The following SLC23A2 variants were observed in gnomAD, a reference collection of about 807,000 sequenced individuals.
SLC23A2 encodes the protein Na(+)/L-ascorbic acid transporter 2.
SLC23A2 carries 36 observed loss-of-function variants against 73.3 expected under a neutral mutation model. The ratio of observed to expected loss-of-function variants is 0.49; its 90% CI spans 0.38 to 0.65. The LOEUF (loss-of-function observed/expected upper bound fraction) is 0.65, where lower values mean the gene tolerates loss of function less well. Among genes scored for constraint, SLC23A2 ranks in the 30% least tolerant of loss-of-function variants. SLC23A2 has a pLI of 0.00. For synonymous variants in SLC23A2, 343 were observed against 327.3 expected (o/e 1.05, Z -0.52); for missense variants, 507 against 841.6 (o/e 0.60, Z 4.92).
At chr20:4,985,614 A>AT (rs1393733106) in intron 1 of SLC23A2, among the ~76,000 whole-genome samples, 1 of 152,022 alleles carries the variant, frequency 6.6e-6, no homozygotes, top group African/African-American at 2.4e-5. Flanking sequence ...TGCCCAGCTA[A>AT]TTTTTGTATT....
intron 1 of SLC23A2, among the ~76,000 whole-genome samples, chr20:4,995,757 A>G (rs2423079): frequency 0.57 from 86,737 of 151,922 alleles, 25,011 homozygotes; most frequent in Middle Eastern, 0.61. Flanking sequence ...CCTAGGCAAG[A>G]AGCTGCCCTC....
intron 10 of SLC23A2, 99 bp from the exon 11 acceptor site, chr20:4,874,191 C>A: frequency 8.9e-7 from 1 of 1,127,178 alleles, no homozygotes; most frequent in Non-Finnish European, 1.3e-6. Context: ...CCCCAGAGCC[C>A]ACCACAGTCA....
At position 4,859,237 on chromosome 20, in the gene SLC23A2, CAT is replaced by C. The variant is rs1600070643; in HGVS notation, c.1720+50_1720+51del. ...TTTCTATTTGGCAAAAAAAGTAACA[CAT>C]ATGTTAAAAAATAAAAAAAAAAAAA... is the stretch of plus-strand genomic sequence containing the variant. On this transcript the variant is annotated intron_variant, in intron 16 of 16. Coordinates refer to ENST00000338244, the MANE Select transcript of SLC23A2 (RefSeq NM_005116.6). 3.0e-5 allele frequency: 31 copies of C among 1,038,998 alleles called. No individual in the cohort carries two copies. The East Asian group carries it at 7.2e-4, about 24-fold the overall frequency. The allele number at this position is 1,038,998 out of a possible 1,614,324, so 64.4% of individuals were successfully genotyped here.
At chr20:4,915,879 T>C (rs1479460397) in intron 3 of SLC23A2, among the ~76,000 whole-genome samples, 1 of 151,230 alleles carries the variant, frequency 6.6e-6, no homozygotes, top group Admixed American at 6.6e-5. Context: ...ATCCAGGAGG[T>C]GGAGGTTGCA....
rs1932805070 is a variant in SLC23A2 at position 4,932,911 on chromosome 20, C to T, written c.-154-195G>A. On this transcript the variant is annotated intron_variant, in intron 2 of 16. Coordinates refer to ENST00000338244, the MANE Select transcript of SLC23A2 (RefSeq NM_005116.6). ...ATAGTCACCTACTGATTCTGAATTGCCCACTAGAGAGGGGGACCACTAAAC... is the reference window on the plus strand; with the variant it reads ...ATAGTCACCTACTGATTCTGAATTGTCCACTAGAGAGGGGGACCACTAAAC... Among the ~76,000 whole-genome samples the T allele has an allele frequency of 2.6e-5, 4 of 152,108 alleles. No individual in the cohort carries two copies. The South Asian group carries it at 8.3e-4, about 32-fold the overall frequency.
At chr20:4,988,334 G>A (rs1453777811) in intron 1 of SLC23A2, among the ~76,000 whole-genome samples, 5 of 144,438 alleles carry the variant, frequency 3.5e-5, no homozygotes, top group Middle Eastern at 3.2e-3. Flanking sequence ...GTGTGTGGTG[G>A]CTCACGCCTG....
chr20:4,860,366 C>A (rs1022792024), intron 15 of SLC23A2, among the ~76,000 whole-genome samples: 5 of 152,310 alleles, frequency 3.3e-5, no homozygotes, highest in Admixed American at 2.0e-4. Context: ...AAACAAGAGT[C>A]CTTTTTGCGG....
chr20:4,914,400 TAAAAA>T (rs1267694600), intron 3 of SLC23A2, among the ~76,000 whole-genome samples: 1 of 151,738 alleles, frequency 6.6e-6, no homozygotes, highest in Non-Finnish European at 1.5e-5. Flanking sequence ...AATTTTATTT[TAAAAA>T]AAACAAACTT....
rs192373496 is a variant in SLC23A2 at position 4,864,806 on chromosome 20, G to A, written c.1357-1899C>T. Among the ~76,000 whole-genome samples the A allele has an allele frequency of 3.1e-3, 471 of 152,294 alleles. 4 individuals are homozygous for A. Among genetic ancestry groups the A allele is most frequent in the Non-Finnish European group, 4.2e-3 (288 of 68,022 alleles). ...AGGGGTGAGTAAGAGTTCGCTAGTG[G>A]AAGAGCATCCAGGCAGAGGAAACAG... On this transcript the variant is annotated intron_variant, in intron 13 of 16. Coordinates refer to ENST00000338244, the MANE Select transcript of SLC23A2 (RefSeq NM_005116.6).
chr20:4,919,448 T>C (rs1600133834), intron 3 of SLC23A2, among the ~76,000 whole-genome samples: 1 of 152,262 alleles, frequency 6.6e-6, no homozygotes, highest in East Asian at 1.9e-4. Flanking sequence ...TGTCCCCCAG[T>C]AGGGCGACAA....
At chr20:4,904,403 C>A (rs1283019122) in intron 4 of SLC23A2, among the ~76,000 whole-genome samples, 1 of 152,164 alleles carries the variant, frequency 6.6e-6, no homozygotes, top group East Asian at 1.9e-4. Flanking sequence ...CTAGACCCTG[C>A]CTATGTGCCT....
chr20:4,910,872 A>G (rs1244049121), intron 4 of SLC23A2, among the ~76,000 whole-genome samples: 1 of 152,256 alleles, frequency 6.6e-6, no homozygotes, highest in Non-Finnish European at 1.5e-5. Flanking sequence ...CAATGTTTAG[A>G]CAATGAAAAA....
At chr20:4,891,846 G>A (rs1259667974) in intron 6 of SLC23A2, among the ~76,000 whole-genome samples, 1 of 152,156 alleles carries the variant, frequency 6.6e-6, no homozygotes, top group Admixed American at 6.5e-5. Context: ...GACCTCCTGG[G>A]CTTAAGCAAT....
Position 4,899,450 on chromosome 20 carries a change from A to G in SLC23A2, c.482+105T>C, listed in dbSNP as rs946905647. 1.5e-6 allele frequency: 2 copies of G among 1,348,380 alleles called. No individual in the cohort carries two copies. The highest frequency in any genetic ancestry group is 2.5e-5 in the South Asian group (2 of 79,160). 83.5% of individuals were successfully genotyped at this position (1,348,380 alleles called of 1,614,324 possible). ...GCCACTAGGACATTCCCGTGCCTCC[A>G]TTCTGTCCTTGCCAACAGCCCTAGG... On this transcript the variant is annotated intron_variant, in intron 6 of 16. Coordinates refer to ENST00000338244, the MANE Select transcript of SLC23A2 (RefSeq NM_005116.6). This position sits in a 1 kb window ranked among gnomAD's most constrained non-coding sequence, Gnocchi z 4.9.
intron 15 of SLC23A2, among the ~76,000 whole-genome samples, chr20:4,861,074 T>A (rs1345297413): frequency 3.3e-5 from 5 of 152,178 alleles, no homozygotes; most frequent in South Asian, 2.1e-4. Flanking sequence ...TGCTACATGC[T>A]ACAACATGGA....
At chr20:4,888,856 TG>T (rs1159601207) in intron 6 of SLC23A2, among the ~76,000 whole-genome samples, 3 of 152,226 alleles carry the variant, frequency 2.0e-5, no homozygotes, top group Non-Finnish European at 4.4e-5. Context: ...CAGGATTCTC[TG>T]GGAGTGCTGG....
chr20:4,923,867 C>T (rs1932579000), intron 3 of SLC23A2, among the ~76,000 whole-genome samples: 1 of 152,152 alleles, frequency 6.6e-6, no homozygotes, highest in Non-Finnish European at 1.5e-5. Flanking sequence ...GGGGCATGTT[C>T]AAATCTGTCA....
At chr20:4,873,347 G>C (rs952381971) in intron 11 of SLC23A2, among the ~76,000 whole-genome samples, 2 of 152,094 alleles carry the variant, frequency 1.3e-5, no homozygotes, top group East Asian at 1.9e-4. Context: ...TCACCTACAC[G>C]GGGCCAGCTG....
intron 2 of SLC23A2, among the ~76,000 whole-genome samples, chr20:4,970,525 G>A (rs2087544544): frequency 6.6e-6 from 1 of 152,088 alleles, no homozygotes; most frequent in Non-Finnish European, 1.5e-5. Context: ...TTGAGCCCAG[G>A]AGTTGGAAAC....
Sources: allele counts gnomAD v4.1 joint callset (sites outside exome capture counted in the v4.1 genomes callset), GRCh38; gene constraint gnomAD v4.1.1; non-coding constraint Gnocchi (gnomAD v3.1); transcripts MANE v1.5; gene names NCBI Gene and HGNC (gene_info 2026-07-23, HGNC 2026-07-21).